Variants in PDLIM5 observed in about 807,000 individuals in gnomAD.
PDLIM5 encodes PDZ and LIM domain 5.
A neutral mutation model predicts 64.2 loss-of-function variants in PDLIM5; 34 were observed. The ratio of observed to expected loss-of-function variants is 0.53; its 90% CI spans 0.40 to 0.71. The LOEUF (loss-of-function observed/expected upper bound fraction) is 0.71. PDLIM5 is among the 30% of genes least tolerant of loss of function. The pLI, the probability that PDLIM5 is intolerant of heterozygous loss-of-function variation, is 0.00. For missense variants in PDLIM5, 683 were observed against 733.6 expected (o/e 0.93, Z 0.80); for synonymous variants, 253 against 269.1 (o/e 0.94, Z 0.59).
intron 2 of PDLIM5, among the ~76,000 whole-genome samples, chr4:94,520,186 A>G (rs1387468016): frequency 2.0e-5 from 3 of 152,210 alleles, no homozygotes; most frequent in Non-Finnish European, 4.4e-5. Flanking sequence ...ATGTTTTTGA[A>G]GAAGCACTCA....
At chr4:94,528,955 G>C (rs1730615907) in intron 3 of PDLIM5, among the ~76,000 whole-genome samples, 1 of 152,180 alleles carries the variant, frequency 6.6e-6, no homozygotes, top group Non-Finnish European at 1.5e-5. Flanking sequence ...GAGCCAGTGT[G>C]GTGGCCCTCT....
intron 2 of PDLIM5, among the ~76,000 whole-genome samples, chr4:94,458,252 G>A (rs1480530954): frequency 6.6e-6 from 1 of 151,976 alleles, no homozygotes; most frequent in Non-Finnish European, 1.5e-5. Flanking sequence ...CTGGTCATCA[G>A]GTTCTTTAAT....
Position 94,617,983 on chromosome 4 carries a change from GTTTC to G in PDLIM5, c.921-17_921-14del. 1 of 1,417,782 alleles carries G rather than the reference GTTTC, an allele frequency of 7.1e-7. No homozygotes were observed. The highest frequency in any genetic ancestry group is 1.5e-5 in the South Asian group (1 of 64,614). 87.8% of individuals were successfully genotyped at this position (1,417,782 alleles called of 1,614,324 possible). A position where few individuals can be genotyped will look rare whatever the true frequency, so the allele number is the denominator to read the frequency against. On this transcript the variant is annotated splice_polypyrimidine_tract_variant and intron_variant, in intron 7 of 12. Transcript: ENST00000317968. Reference sequence around the variant, plus strand: ...ACGTTGCTACCACTTCACCAAAGATGTTTCTTTATTTCCTTTACAGTAACTCTCA... The same window carrying G: ...ACGTTGCTACCACTTCACCAAAGATGTTTATTTCCTTTACAGTAACTCTCA...
chr4:94,514,190 A>C (rs1050233279), intron 2 of PDLIM5, among the ~76,000 whole-genome samples: 6 of 142,146 alleles, frequency 4.2e-5, no homozygotes, highest in Non-Finnish European at 7.5e-5. Context: ...GCTGGAGTGC[A>C]GTGGCGCAAT....
chr4:94,600,914 T>C (rs1353814045), intron 7 of PDLIM5, among the ~76,000 whole-genome samples: 1 of 152,216 alleles, frequency 6.6e-6, no homozygotes, highest in Non-Finnish European at 1.5e-5. Flanking sequence ...CAAAGAATAC[T>C]CTAGATAACT....
At chr4:94,643,074 T>TTA (rs1741134603) in intron 9 of PDLIM5, among the ~76,000 whole-genome samples, 2 of 152,144 alleles carry the variant, frequency 1.3e-5, no homozygotes, top group Middle Eastern at 3.4e-3. Flanking sequence ...TTATTTTTTT[T>TTA]TTTTCAGCAG....
At chr4:94,661,162 G>A (rs1158391357) in intron 11 of PDLIM5, among the ~76,000 whole-genome samples, 1 of 152,162 alleles carries the variant, frequency 6.6e-6, no homozygotes, top group Non-Finnish European at 1.5e-5. Context: ...TGGGAGGTGA[G>A]GCAATCACTT....
intron 3 of PDLIM5, among the ~76,000 whole-genome samples, chr4:94,541,974 A>G (rs1237988105): frequency 1.3e-5 from 2 of 152,010 alleles, no homozygotes; most frequent in African/African-American, 4.8e-5. Context: ...TCTTTTATCT[A>G]CTGTTCTGAA....
At chr4:94,598,887 T>C (rs1737270179) in intron 7 of PDLIM5, among the ~76,000 whole-genome samples, 1 of 151,968 alleles carries the variant, frequency 6.6e-6, no homozygotes, top group African/African-American at 2.4e-5. Context: ...GATGTGGAGA[T>C]GTCCTCTCCA....
chr4:94,515,442 C>A (rs1300135503), intron 2 of PDLIM5, among the ~76,000 whole-genome samples: 1 of 152,192 alleles, frequency 6.6e-6, no homozygotes, highest in Non-Finnish European at 1.5e-5. Flanking sequence ...TTTAAAAGTT[C>A]TTAAATTTTC....
chr4:94,531,694 T>A (rs1313173762), intron 3 of PDLIM5, among the ~76,000 whole-genome samples: 1 of 152,228 alleles, frequency 6.6e-6, no homozygotes, highest in Non-Finnish European at 1.5e-5. Flanking sequence ...TCATAGCTTA[T>A]GCCCTCCTTA....
At chr4:94,590,790 C>T (rs1736617821) in intron 7 of PDLIM5, among the ~76,000 whole-genome samples, 1 of 152,112 alleles carries the variant, frequency 6.6e-6, no homozygotes, top group South Asian at 2.1e-4. Flanking sequence ...AACTCCTGTA[C>T]ATAGACAAAA....
At chr4:94,569,443 C>T (rs1322190428) in intron 3 of PDLIM5, among the ~76,000 whole-genome samples, 2 of 152,134 alleles carry the variant, frequency 1.3e-5, no homozygotes, top group African/African-American at 2.4e-5. Context: ...CCTCAGCCTC[C>T]TAAGTAGCTG....
intron 2 of PDLIM5, among the ~76,000 whole-genome samples, chr4:94,474,183 T>C (rs750036937): frequency 3.9e-5 from 6 of 152,216 alleles, no homozygotes; most frequent in Non-Finnish European, 4.4e-5. Context: ...TCAGAAGGCT[T>C]TCTTGGGAAA....
At chr4:94,525,037 T>C (rs1233600932) in intron 3 of PDLIM5, among the ~76,000 whole-genome samples, 1 of 152,174 alleles carries the variant, frequency 6.6e-6, no homozygotes, top group African/African-American at 2.4e-5. Context: ...AAAACACCAC[T>C]TTTTCTCCCT....
chr4:94,614,589 G>GAA (rs1181666217), intron 7 of PDLIM5, among the ~76,000 whole-genome samples: 1 of 152,082 alleles, frequency 6.6e-6, no homozygotes, highest in East Asian at 1.9e-4. Context: ...TATCCTCAGA[G>GAA]AAAATTGAAC....
intron 3 of PDLIM5, among the ~76,000 whole-genome samples, chr4:94,542,292 A>C (rs559310499): frequency 5.7e-4 from 86 of 151,800 alleles, no homozygotes; most frequent in Non-Finnish European, 5.9e-5. Flanking sequence ...AGCCTGGGGG[A>C]TAGAGTGAAA....
intron 2 of PDLIM5, among the ~76,000 whole-genome samples, chr4:94,457,410 T>C (rs1723475183): frequency 1.3e-5 from 2 of 152,194 alleles, no homozygotes; most frequent in African/African-American, 4.8e-5. Context: ...TTGAGTGAGT[T>C]GGTATTTTAT....
intron 7 of PDLIM5, among the ~76,000 whole-genome samples, chr4:94,612,647 T>C (rs1049950301): frequency 6.6e-6 from 1 of 152,158 alleles, no homozygotes; most frequent in African/African-American, 2.4e-5. Context: ...TTATTAACAA[T>C]AGGACACAGA....
Sources: allele counts gnomAD v4.1 joint callset (sites outside exome capture counted in the v4.1 genomes callset), GRCh38; gene constraint gnomAD v4.1.1; transcripts MANE v1.5; gene names NCBI Gene and HGNC (gene_info 2026-07-23, HGNC 2026-07-21).